Variants in TTC28 observed in about 807,000 individuals in gnomAD.
TTC28 encodes tetratricopeptide repeat protein 28.
A neutral mutation model predicts 198.0 loss-of-function variants in TTC28; 61 were observed. The ratio of observed to expected loss-of-function variants is 0.31; its 90% CI spans 0.25 to 0.38. TTC28 has a LOEUF of 0.38. Among genes scored for constraint, TTC28 ranks in the 10% least tolerant of loss-of-function variants. The pLI, the probability that TTC28 is intolerant of heterozygous loss-of-function variation, is 1.00. For missense variants in TTC28, 2,678 were observed against 3,164.0 expected (o/e 0.85, Z 3.69); for synonymous variants, 1,171 against 1,297.8 (o/e 0.90, Z 2.10).
At position 28,152,094 on chromosome 22, in the gene TTC28, T is replaced by C. The variant is rs935211945; in HGVS notation, c.1441+10998A>G. ...AACTGTATGAATTTGGGCCAGTACC[T>C]TTACTTTTATGCCAACCACATAGCT... On this transcript the variant is annotated intron_variant, in intron 6 of 22. Coordinates refer to ENST00000397906, the MANE Select transcript of TTC28 (RefSeq NM_001145418.2). 1.5e-4 allele frequency among the ~76,000 whole-genome samples: 23 copies of C among 152,200 alleles called. 1 individual carries two copies. The highest frequency in any genetic ancestry group is 3.2e-3 in the Middle Eastern group (1 of 316).
intron 2 of TTC28, among the ~76,000 whole-genome samples, chr22:28,312,197 G>A (rs1250283668): frequency 2.0e-5 from 3 of 152,084 alleles, no homozygotes; most frequent in East Asian, 1.9e-4. Flanking sequence ...CAATATAGGA[G>A]CACCCAGATT....
chr22:28,507,689 A>G (rs192955457), intron 2 of TTC28, among the ~76,000 whole-genome samples: 52 of 152,374 alleles, frequency 3.4e-4, no homozygotes, highest in Non-Finnish European at 6.9e-4. Context: ...AGGGAAGCCT[A>G]TCAGACTAAT....
At chr22:28,452,924 G>C (rs751107847) in intron 2 of TTC28, among the ~76,000 whole-genome samples, 2 of 152,196 alleles carry the variant, frequency 1.3e-5, no homozygotes, top group South Asian at 2.1e-4. Context: ...ACAAGGAATA[G>C]TGGCAGAGAG....
intron 2 of TTC28, among the ~76,000 whole-genome samples, chr22:28,565,661 T>C (rs1332022814): frequency 6.6e-6 from 1 of 152,194 alleles, no homozygotes; most frequent in African/African-American, 2.4e-5. Flanking sequence ...GAAAAGTATA[T>C]TTACTATTAA....
intron 2 of TTC28, among the ~76,000 whole-genome samples, chr22:28,400,560 A>C (rs2046891351): frequency 6.6e-6 from 1 of 152,238 alleles, no homozygotes; most frequent in Non-Finnish European, 1.5e-5. Context: ...CAGTAGCAGC[A>C]GTGATACCAT....
intron 2 of TTC28, among the ~76,000 whole-genome samples, chr22:28,507,881 C>A (rs1459002108): frequency 2.0e-5 from 3 of 152,170 alleles, no homozygotes; most frequent in Admixed American, 2.0e-4. Context: ...CACCACCAGG[C>A]CTGCCTTGCA....
At chr22:28,117,349 A>G (rs574276973) in intron 6 of TTC28, among the ~76,000 whole-genome samples, 2 of 152,296 alleles carry the variant, frequency 1.3e-5, no homozygotes, top group Non-Finnish European at 2.9e-5. Context: ...CTGTTACTCT[A>G]TTAGCACCTA....
At chr22:28,628,062 T>C (rs1453741877) in intron 2 of TTC28, among the ~76,000 whole-genome samples, 2 of 151,956 alleles carry the variant, frequency 1.3e-5, no homozygotes, top group Non-Finnish European at 2.9e-5. Flanking sequence ...AGTGCCACCA[T>C]ACCTGGCTAA....
chr22:28,276,542 A>G (rs973741055), intron 5 of TTC28, among the ~76,000 whole-genome samples: 1 of 152,172 alleles, frequency 6.6e-6, no homozygotes, highest in Admixed American at 6.5e-5. Flanking sequence ...AACTTCTCTA[A>G]TGTTCTAATT....
intron 5 of TTC28, among the ~76,000 whole-genome samples, chr22:28,293,384 T>C (rs537563330): frequency 6.6e-6 from 1 of 152,216 alleles, no homozygotes; most frequent in Non-Finnish European, 1.5e-5. Context: ...AGAAAATTAC[T>C]ACATGATCTC....
At chr22:28,509,145 T>C (rs1013375233) in intron 2 of TTC28, among the ~76,000 whole-genome samples, 11 of 150,818 alleles carry the variant, frequency 7.3e-5, no homozygotes, top group South Asian at 6.3e-4. Flanking sequence ...GAGCTGAGAT[T>C]GCACCACTGC....
chr22:28,174,675 T>C (rs1364142086), intron 5 of TTC28, among the ~76,000 whole-genome samples: 1 of 152,160 alleles, frequency 6.6e-6, no homozygotes, highest in Non-Finnish European at 1.5e-5. Flanking sequence ...ATCACGCCAC[T>C]GCACTCCAGC....
intron 2 of TTC28, among the ~76,000 whole-genome samples, chr22:28,583,517 AACTGTGAACTAAAGAGTT>A (rs1178534102): frequency 6.6e-6 from 1 of 152,224 alleles, no homozygotes; most frequent in Non-Finnish European, 1.5e-5. Context: ...AGTTTTATGG[AACTGTGAACTAAAGAGTT>A]ACATTAAATA....
intron 2 of TTC28, among the ~76,000 whole-genome samples, chr22:28,521,257 A>T (rs1380191486): frequency 6.6e-6 from 1 of 151,840 alleles, no homozygotes; most frequent in African/African-American, 2.4e-5. Flanking sequence ...AATTAAAAAA[A>T]ATTAACTGGG....
At chr22:28,196,106 A>G (rs1383932611) in intron 5 of TTC28, among the ~76,000 whole-genome samples, 4 of 152,102 alleles carry the variant, frequency 2.6e-5, no homozygotes, top group African/African-American at 7.2e-5. Context: ...CCAATGGAAC[A>G]GAACAGAGCC....
chr22:28,449,042 A>G (rs1403812309), intron 2 of TTC28, among the ~76,000 whole-genome samples: 4 of 152,240 alleles, frequency 2.6e-5, no homozygotes, highest in African/African-American at 9.6e-5. Flanking sequence ...AAATAATAAT[A>G]ACAATAGCAG....
intron 12 of TTC28, among the ~76,000 whole-genome samples, chr22:28,038,569 G>A (rs1346714648): frequency 3.3e-5 from 5 of 152,144 alleles, no homozygotes; most frequent in Non-Finnish European, 7.3e-5. Context: ...AAAAACCCTA[G>A]AAGAAAACCT....
intron 2 of TTC28, among the ~76,000 whole-genome samples, chr22:28,384,772 G>A (rs944764187): frequency 4.6e-5 from 7 of 152,050 alleles, no homozygotes; most frequent in Non-Finnish European, 1.0e-4. Flanking sequence ...CTTCTGCAAC[G>A]GACTTATCAC....
chr22:27,996,263 C>A lies in TTC28; in HGVS notation c.5120-4G>T, dbSNP rs1385443210. On this transcript the variant is annotated splice_polypyrimidine_tract_variant and splice_region_variant and intron_variant, in intron 16 of 22. Transcript: ENST00000397906. ...TCACTCCCGATGAGCATGAACCCTG[C>A]AGAAAGCAAAGGAGGGCACCTCAGC... 1 of 1,550,434 alleles carries A rather than the reference C, an allele frequency of 6.4e-7. No homozygotes were observed. The highest frequency in any genetic ancestry group is 8.7e-7 in the Non-Finnish European group (1 of 1,146,806).
Sources: gnomAD v4.1 joint callset for allele counts (sites outside exome capture counted in the v4.1 genomes callset) on GRCh38, gnomAD v4.1.1 for gene constraint, MANE v1.5 for transcripts, NCBI Gene and HGNC (gene_info 2026-07-23, HGNC 2026-07-21) for gene names.